UTRN: variants seen among roughly 807,000 people sequenced by gnomAD.
The protein encoded by UTRN is utrophin.
In UTRN, 283 loss-of-function variants were observed where a neutral mutation model predicts 463.9. The observed-to-expected ratio is 0.61, with a 90% CI of 0.55 to 0.67. UTRN has a LOEUF of 0.67. UTRN is among the 30% of genes least tolerant of loss of function. The pLI, the probability that UTRN is intolerant of heterozygous loss-of-function variation, is 0.00. For missense variants in UTRN, 3,922 were observed against 4,084.3 expected (o/e 0.96, Z 1.08); for synonymous variants, 1,442 against 1,431.5 (o/e 1.01, Z -0.17).
chr6:144,292,608 T>C (rs551876557), intron 2 of UTRN, among the ~76,000 whole-genome samples: 2 of 152,228 alleles, frequency 1.3e-5, no homozygotes, highest in Non-Finnish European at 2.9e-5. Flanking sequence ...AATTTCTGTA[T>C]TTTTAAAAAG....
chr6:144,648,691 T>A (rs1276725671), intron 51 of UTRN, among the ~76,000 whole-genome samples: 1 of 152,182 alleles, frequency 6.6e-6, no homozygotes, highest in African/African-American at 2.4e-5. Context: ...AACGATGGAT[T>A]AAAATCAAGC....
At chr6:144,754,971 G>A (rs1334837857) in intron 57 of UTRN, among the ~76,000 whole-genome samples, 173 bp downstream of exon 57, 4 of 152,090 alleles carry the variant, frequency 2.6e-5, no homozygotes, top group African/African-American at 9.7e-5. Flanking sequence ...TTGTAATAAC[G>A]TAATGACAAC....
chr6:144,793,015 A>G (rs1439336259), intron 62 of UTRN, among the ~76,000 whole-genome samples: 1 of 152,182 alleles, frequency 6.6e-6, no homozygotes, highest in Non-Finnish European at 1.5e-5. Flanking sequence ...GATTAAATGT[A>G]TTTCATTACA....
At chr6:144,779,601 T>G (rs1775637415) in intron 60 of UTRN, among the ~76,000 whole-genome samples, 1 of 152,118 alleles carries the variant, frequency 6.6e-6, no homozygotes, top group Admixed American at 6.6e-5. Context: ...GAGGAGCAGT[T>G]GGTGTTGCTG....
intron 2 of UTRN, among the ~76,000 whole-genome samples, chr6:144,342,493 G>T (rs1777218485): frequency 1.3e-5 from 2 of 152,024 alleles, no homozygotes; most frequent in Non-Finnish European, 2.9e-5. Context: ...TTCATGAACT[G>T]ATAAATACAT....
intron 2 of UTRN, chr6:144,398,033 T>A (rs968683488): frequency 1.3e-5 from 3 of 235,222 alleles, no homozygotes; most frequent in East Asian, 1.0e-4. Flanking sequence ...CTGCTCACCA[T>A]TGCTGATGAT....
intron 51 of UTRN, among the ~76,000 whole-genome samples, chr6:144,598,687 T>C (rs1803912868): frequency 1.3e-5 from 2 of 152,198 alleles, no homozygotes; most frequent in Non-Finnish European, 2.9e-5. Context: ...ATCTGTCATG[T>C]TGATATCTTG....
intron 51 of UTRN, among the ~76,000 whole-genome samples, chr6:144,616,553 A>G (rs1806126361): frequency 6.6e-6 from 1 of 151,128 alleles, no homozygotes; most frequent in African/African-American, 2.4e-5. Flanking sequence ...TTTTTTGAAA[A>G]GCCCTTTTTT....
At position 144,459,223 on chromosome 6, in the gene UTRN, G is replaced by T. The variant is rs754645896; in HGVS notation, c.2576G>T (p.Arg859Leu). ...LGLHPKIEMA[R>L]ASCSALMSQP... ...CTTCACCCCAAAATTGAAATGGCTC[G>T]TGCAAGCTGCTCGGCCCTGATGTCT... Residue 859 changes from arginine (R) to leucine (L), a missense_variant, in exon 21 of 75, where the codon CGT (arginine) becomes CTT (leucine). By Grantham distance (102) the Arg-to-Leu change is moderately radical. Coordinates refer to ENST00000367545, the MANE Select transcript of UTRN (RefSeq NM_007124.3). 14 of 1,613,650 alleles carry T rather than the reference G, an allele frequency of 8.7e-6. No homozygotes were observed. The highest frequency in any genetic ancestry group is 1.2e-5 in the Non-Finnish European group (14 of 1,179,934).
chr6:144,644,617 T>C (rs1778102857), intron 51 of UTRN, among the ~76,000 whole-genome samples: 1 of 152,186 alleles, frequency 6.6e-6, no homozygotes, highest in African/African-American at 2.4e-5. Flanking sequence ...CTGGCAGTGT[T>C]TTAGTTACAT....
At chr6:144,714,002 A>G (rs1198846317) in intron 53 of UTRN, among the ~76,000 whole-genome samples, 2 of 152,000 alleles carry the variant, frequency 1.3e-5, no homozygotes, top group African/African-American at 4.8e-5. Context: ...CATTTTTAAC[A>G]TTGATATTTG....
intron 2 of UTRN, among the ~76,000 whole-genome samples, chr6:144,330,137 C>A (rs1776237114): frequency 6.6e-6 from 1 of 152,176 alleles, no homozygotes; most frequent in African/African-American, 2.4e-5. Flanking sequence ...GGAATCTATT[C>A]AAGTCCATAG....
intron 51 of UTRN, among the ~76,000 whole-genome samples, chr6:144,654,848 C>G (rs763302137): frequency 3.9e-5 from 6 of 152,206 alleles, no homozygotes; most frequent in Admixed American, 3.9e-4. Flanking sequence ...TGAAGGCTGA[C>G]TCCTGCACCT....
At chr6:144,519,632 G>GA (rs910777656) in intron 39 of UTRN, among the ~76,000 whole-genome samples, 3 of 152,110 alleles carry the variant, frequency 2.0e-5, no homozygotes, top group East Asian at 1.9e-4. Context: ...TCTCTTGGGG[G>GA]AAAAAAATCT....
chr6:144,509,944 A>G (rs1284093393), intron 34 of UTRN, among the ~76,000 whole-genome samples: 2 of 152,136 alleles, frequency 1.3e-5, no homozygotes, highest in Non-Finnish European at 2.9e-5. Flanking sequence ...GAGCATAGCT[A>G]TTGGGTATCC....
intron 54 of UTRN, among the ~76,000 whole-genome samples, chr6:144,741,984 C>T (rs1233402229): frequency 1.3e-5 from 2 of 152,110 alleles, no homozygotes; most frequent in Non-Finnish European, 2.9e-5. Flanking sequence ...TTTGTGTCCC[C>T]TCTCTTAATA....
chr6:144,715,785 T>C (rs1786369126), intron 53 of UTRN, among the ~76,000 whole-genome samples: 1 of 151,120 alleles, frequency 6.6e-6, no homozygotes, highest in Admixed American at 6.6e-5. Flanking sequence ...TTTTTTTTTT[T>C]GCTTGGTACT....
At chr6:144,464,656 A>G (rs1789749874) in intron 23 of UTRN, among the ~76,000 whole-genome samples, 1 of 151,990 alleles carries the variant, frequency 6.6e-6, no homozygotes, top group Non-Finnish European at 1.5e-5. Flanking sequence ...ACATGCCACT[A>G]TGCCCGGCTA....
intron 1 of UTRN, among the ~76,000 whole-genome samples, chr6:144,287,599 A>G (rs1243025357): frequency 6.6e-6 from 1 of 152,248 alleles, no homozygotes; most frequent in Non-Finnish European, 1.5e-5. Flanking sequence ...AAAATTATAT[A>G]CATATATTCA....
Sources: gnomAD v4.1 joint callset for allele counts (sites outside exome capture counted in the v4.1 genomes callset) on GRCh38, gnomAD v4.1.1 for gene constraint, MANE v1.5 for transcripts, NCBI Gene and HGNC (gene_info 2026-07-23, HGNC 2026-07-21) for gene names.